AFG2A: variants seen among roughly 807,000 people sequenced by gnomAD.
The protein encoded by AFG2A is AAA ATPase AFG2A.
the AFG2A span, among the ~76,000 whole-genome samples, chr4:122,927,094 C>T: frequency 1.3e-5 from 2 of 152,098 alleles, no homozygotes; most frequent in African/African-American, 2.4e-5. Context: ...AATTCTGGAC[C>T]CCCTTTTTCA....
the AFG2A span, among the ~76,000 whole-genome samples, chr4:123,134,439 C>G: frequency 6.6e-6 from 1 of 152,104 alleles, no homozygotes; most frequent in African/African-American, 2.4e-5. Flanking sequence ...TCTGCTCTCT[C>G]TGTCCTATTC....
chr4:123,304,651 C>G, the AFG2A span, among the ~76,000 whole-genome samples: 1 of 152,130 alleles, frequency 6.6e-6, no homozygotes, highest in African/African-American at 2.4e-5. Context: ...GCACTGCAGC[C>G]CATTTCTTTT....
chr4:123,203,863 G>A, the AFG2A span, among the ~76,000 whole-genome samples: 1 of 152,182 alleles, frequency 6.6e-6, no homozygotes, highest in African/African-American at 2.4e-5. Flanking sequence ...CAGTTGTATA[G>A]CTTAACAATC....
the AFG2A span, among the ~76,000 whole-genome samples, chr4:123,176,358 C>G: frequency 2.6e-5 from 4 of 152,132 alleles, no homozygotes; most frequent in Admixed American, 6.5e-5. Flanking sequence ...AACATAAAGG[C>G]CATGCTAGTA....
At chr4:123,178,201 C>A in the AFG2A span, among the ~76,000 whole-genome samples, 1 of 152,130 alleles carries the variant, frequency 6.6e-6, no homozygotes, top group African/African-American at 2.4e-5. Flanking sequence ...TTTAGTGTAA[C>A]CATCACTGGA....
At chr4:123,031,528 T>A in the AFG2A span, among the ~76,000 whole-genome samples, 1 of 152,246 alleles carries the variant, frequency 6.6e-6, no homozygotes, top group South Asian at 2.1e-4. Flanking sequence ...GGTTTCAACC[T>A]ATATATTTGT....
the AFG2A span, among the ~76,000 whole-genome samples, chr4:122,925,011 T>C: frequency 1.3e-5 from 2 of 152,148 alleles, no homozygotes; most frequent in African/African-American, 4.8e-5. Context: ...ATAACTCTTC[T>C]CATGAGTGTC....
the AFG2A span, among the ~76,000 whole-genome samples, chr4:123,146,604 A>G: frequency 1.3e-5 from 2 of 152,194 alleles, no homozygotes. Flanking sequence ...GACATCAGAG[A>G]TAACATGAAC....
At chr4:123,102,895 T>G in the AFG2A span, among the ~76,000 whole-genome samples, 3,230 of 151,714 alleles carry the variant, frequency 0.021, 65 homozygotes, top group Non-Finnish European at 0.035. Flanking sequence ...CTTTATGATA[T>G]ACACAATCTA....
At chr4:123,108,033 G>C in the AFG2A span, among the ~76,000 whole-genome samples, 1 of 152,110 alleles carries the variant, frequency 6.6e-6, no homozygotes, top group African/African-American at 2.4e-5. Flanking sequence ...AGTGAGCCCC[G>C]CCCTCCCAAC....
the AFG2A span, among the ~76,000 whole-genome samples, chr4:123,201,817 G>A: frequency 6.6e-6 from 1 of 152,092 alleles, no homozygotes; most frequent in African/African-American, 2.4e-5. Flanking sequence ...AGCTACTCGA[G>A]AGACTGAGGT....
the AFG2A span, among the ~76,000 whole-genome samples, chr4:123,171,393 A>C: frequency 6.6e-6 from 1 of 152,190 alleles, no homozygotes; most frequent in Non-Finnish European, 1.5e-5. Context: ...ATAAGGTAAA[A>C]GCACAAGAAA....
At chr4:123,228,453 A>G in the AFG2A span, among the ~76,000 whole-genome samples, 2,137 of 152,052 alleles carry the variant, frequency 0.014, 59 homozygotes, top group African/African-American at 0.048. Context: ...ATACAGATTA[A>G]TAAGGTAATA....
the AFG2A span, among the ~76,000 whole-genome samples, chr4:123,156,661 T>C: frequency 6.6e-6 from 1 of 151,584 alleles, no homozygotes; most frequent in Non-Finnish European, 1.5e-5. Context: ...AAGTTTCTAA[T>C]TGCCAGTATC....
At chr4:123,221,797 C>T in the AFG2A span, among the ~76,000 whole-genome samples, 3 of 151,962 alleles carry the variant, frequency 2.0e-5, no homozygotes, top group East Asian at 1.9e-4. Flanking sequence ...CATAGTGGCA[C>T]GTGCTTGTAA....
At chr4:122,984,053 T>G in the AFG2A span, among the ~76,000 whole-genome samples, 1 of 152,166 alleles carries the variant, frequency 6.6e-6, no homozygotes, top group Non-Finnish European at 1.5e-5. Flanking sequence ...CCAACCCTGG[T>G]AACATGCCAA....
At chr4:123,293,878 C>A in the AFG2A span, among the ~76,000 whole-genome samples, 2 of 152,216 alleles carry the variant, frequency 1.3e-5, no homozygotes, top group Non-Finnish European at 2.9e-5. Flanking sequence ...TGACCTCTGC[C>A]AGCTTCTTGT....
the AFG2A span, among the ~76,000 whole-genome samples, chr4:122,956,135 G>A: frequency 6.6e-6 from 1 of 152,280 alleles, no homozygotes; most frequent in African/African-American, 2.4e-5. Context: ...ATGAAGGAAA[G>A]AGATTTGTAA....
At chr4:123,050,329 A>G in the AFG2A span, among the ~76,000 whole-genome samples, 1 of 151,594 alleles carries the variant, frequency 6.6e-6, no homozygotes, top group Non-Finnish European at 1.5e-5. Flanking sequence ...CACTTGGTGT[A>G]TAGTTTAACT....
Sources: allele counts gnomAD v4.1 joint callset (sites outside exome capture counted in the v4.1 genomes callset), GRCh38; gene constraint gnomAD v4.1.1; transcripts MANE v1.5; gene names NCBI Gene and HGNC (gene_info 2026-07-23, HGNC 2026-07-21).